Variants in NAV2 observed in about 807,000 individuals in gnomAD.
NAV2 encodes neuron navigator 2, also known as helicase, APC down-regulated 1.
Under a neutral mutation model 223.2 loss-of-function variants are expected in NAV2, and 54 were observed. That is an observed-to-expected ratio of 0.24 (90% confidence interval 0.19 to 0.30). The LOEUF (loss-of-function observed/expected upper bound fraction) is 0.30. Among genes scored for constraint, NAV2 ranks in the 10% least tolerant of loss-of-function variants. The pLI is 1.00. For missense variants in NAV2, 2,806 were observed against 3,147.5 expected (o/e 0.89, Z 2.60); for synonymous variants, 1,279 against 1,239.3 (o/e 1.03, Z -0.67).
intron 1 of NAV2, among the ~76,000 whole-genome samples, chr11:19,573,069 C>T (rs534286979): frequency 2.0e-5 from 3 of 152,222 alleles, no homozygotes; most frequent in South Asian, 4.1e-4. Context: ...GTGAGGACTC[C>T]GTCTTGGCTC....
Position 20,103,734 on chromosome 11 carries a change from C to T in NAV2, c.6644+10C>T, listed in dbSNP as rs2061814034. The T allele has an allele frequency of 6.2e-7, 1 of 1,613,284 alleles. No individual in the cohort carries two copies. Among genetic ancestry groups the T allele is most frequent in the Non-Finnish European group, 8.5e-7 (1 of 1,179,198 alleles). On this transcript the variant is annotated intron_variant, in intron 34 of 37. Coordinates refer to ENST00000349880, the MANE Select transcript of NAV2 (RefSeq NM_145117.5). ...TTCACCATAACTTCAGGTCAGTTTT[C>T]CCTTCCCTTGTCCAGTTAAACAATG...
At chr11:20,079,603 C>T (rs1279320541) in intron 24 of NAV2, among the ~76,000 whole-genome samples, 1 of 152,082 alleles carries the variant, frequency 6.6e-6, no homozygotes, top group Non-Finnish European at 1.5e-5. Flanking sequence ...TGGACAGAGT[C>T]AAGGGAAAAG....
chr11:19,360,540 C>A (rs1240639484), intron 1 of NAV2, among the ~76,000 whole-genome samples: 1 of 152,196 alleles, frequency 6.6e-6, no homozygotes, highest in Non-Finnish European at 1.5e-5. Context: ...GTAAACAAAG[C>A]AAGTCCATAG....
chr11:19,711,954 G>C (rs1444766766), upstream of NAV2: 1 of 152,240 alleles, frequency 6.6e-6, no homozygotes, highest in African/African-American at 2.4e-5. Flanking sequence ...TCTACAGGGT[G>C]GGAGGCTCCT....
chr11:19,801,207 A>T (rs750338255), intron 1 of NAV2, among the ~76,000 whole-genome samples: 1 of 152,224 alleles, frequency 6.6e-6, no homozygotes, highest in Non-Finnish European at 1.5e-5. Context: ...TAGTCCAACC[A>T]GTTTGGCAAC....
intron 1 of NAV2, among the ~76,000 whole-genome samples, chr11:19,571,665 C>T (rs1338751543): frequency 1.3e-5 from 2 of 151,486 alleles, no homozygotes; most frequent in African/African-American, 4.9e-5. Context: ...GAGATTGCAC[C>T]ACTGCACTCC....
chr11:19,348,484 G>T (rs1380549676), upstream of NAV2, among the ~76,000 whole-genome samples: 2 of 152,156 alleles, frequency 1.3e-5, no homozygotes, highest in Non-Finnish European at 2.9e-5. Flanking sequence ...TCAAGTTTTA[G>T]ACCCACACTT....
At chr11:19,361,784 C>T (rs142743716) in intron 1 of NAV2, among the ~76,000 whole-genome samples, 300 of 152,136 alleles carry the variant, frequency 2.0e-3, no homozygotes, top group Non-Finnish European at 1.7e-3. Flanking sequence ...CCTTTGCCTA[C>T]GGTAATTGAA....
intron 1 of NAV2, among the ~76,000 whole-genome samples, chr11:19,500,404 G>C (rs1041232588): frequency 2.0e-5 from 3 of 152,190 alleles, no homozygotes; most frequent in Admixed American, 6.5e-5. Flanking sequence ...TTTTAGGGTA[G>C]TTTGTTACAT....
intron 11 of NAV2, among the ~76,000 whole-genome samples, chr11:20,018,895 T>C (rs1156817945): frequency 6.6e-6 from 1 of 151,846 alleles, no homozygotes; most frequent in Non-Finnish European, 1.5e-5. Flanking sequence ...GTGGGAGACA[T>C]GGGGAGGAGC....
Position 19,484,999 on chromosome 11 carries a change from G to A in NAV2, c.75+133972G>A, listed in dbSNP as rs1013112138. 3.4e-5 allele frequency among the ~76,000 whole-genome samples: 5 copies of A among 149,144 alleles called. No homozygotes were observed. In the South Asian group the frequency reaches 8.9e-4, roughly 27 times the overall value. On this transcript the variant is annotated intron_variant, in intron 1 of 37. Coordinates refer to the NAV2 transcript ENST00000360655. ...GGCCCCAAGACCAGGAGAAATTCCTGTGTCTTGGGATACCTTCAGTCCTTC... is the reference window on the plus strand; with the variant it reads ...GGCCCCAAGACCAGGAGAAATTCCTATGTCTTGGGATACCTTCAGTCCTTC...
At chr11:19,545,473 G>C (rs2044469120) in intron 1 of NAV2, among the ~76,000 whole-genome samples, 1 of 152,208 alleles carries the variant, frequency 6.6e-6, no homozygotes, top group Admixed American at 6.5e-5. Flanking sequence ...GTGTCCCTTT[G>C]AGGTGGAAAG....
Position 20,092,101 on chromosome 11 carries a change from A to G in NAV2, c.5653-105A>G, listed in dbSNP as rs1592104758. 3.0e-5 allele frequency: 34 copies of G among 1,123,272 alleles called. No individual in the cohort carries two copies. The Middle Eastern group carries it at 9.4e-4, about 31-fold the overall frequency. 69.6% of individuals were successfully genotyped at this position (1,123,272 alleles called of 1,614,324 possible). ...TGAGGGTGTTGTTCGCCTTGGGTGG[A>G]AGACCAGCCTGGTTTCTGCAGGGAA... On this transcript the variant is annotated intron_variant, in intron 27 of 37. Coordinates refer to ENST00000349880, the MANE Select transcript of NAV2 (RefSeq NM_145117.5).
intron 1 of NAV2, among the ~76,000 whole-genome samples, chr11:19,815,201 A>G (rs768743281): frequency 2.4e-4 from 36 of 152,264 alleles, no homozygotes; most frequent in Non-Finnish European, 4.9e-4. Context: ...CACTTTACTG[A>G]GTCCTCTGAG....
intron 4 of NAV2, among the ~76,000 whole-genome samples, chr11:19,874,064 A>T (rs892692295): frequency 6.6e-6 from 1 of 152,184 alleles, no homozygotes; most frequent in Non-Finnish European, 1.5e-5. Flanking sequence ...CCTACAAAGC[A>T]GGTTTCTTTG....
intron 10 of NAV2, among the ~76,000 whole-genome samples, chr11:19,959,565 TGG>T (rs1403422799): frequency 6.6e-6 from 1 of 152,228 alleles, no homozygotes; most frequent in Non-Finnish European, 1.5e-5. Flanking sequence ...GCCCAGTTCC[TGG>T]GGCATTGCAG....
intron 1 of NAV2, among the ~76,000 whole-genome samples, chr11:19,794,715 C>G (rs940031603): frequency 6.6e-6 from 1 of 152,082 alleles, no homozygotes; most frequent in African/African-American, 2.4e-5. Flanking sequence ...GACCTAAGTG[C>G]CAGTAGCATT....
At chr11:20,088,603 C>T (rs1455256039) in intron 26 of NAV2, among the ~76,000 whole-genome samples, 1 of 152,218 alleles carries the variant, frequency 6.6e-6, no homozygotes, top group African/African-American at 2.4e-5. Flanking sequence ...CCAACACAGA[C>T]TTTCTTCATT....
intron 1 of NAV2, among the ~76,000 whole-genome samples, chr11:19,744,715 T>C (rs903427629): frequency 6.6e-6 from 1 of 152,194 alleles, no homozygotes; most frequent in African/African-American, 2.4e-5. Flanking sequence ...AAAACAAGTA[T>C]ATTCAAATAC....
Sources: allele counts gnomAD v4.1 joint callset (sites outside exome capture counted in the v4.1 genomes callset), GRCh38; gene constraint gnomAD v4.1.1; transcripts MANE v1.5; gene names NCBI Gene and HGNC (gene_info 2026-07-23, HGNC 2026-07-21).